The following ZNF415 variants were observed in gnomAD, a reference collection of about 807,000 sequenced individuals.
ZNF415 encodes zinc finger protein 415.
A neutral mutation model predicts 7.3 loss-of-function variants in ZNF415; 5 were observed. The ratio of observed to expected loss-of-function variants is 0.69; its 90% CI spans 0.36 to 1.44. The LOEUF (loss-of-function observed/expected upper bound fraction) is 1.44, where lower values mean the gene tolerates loss of function less well. Among genes scored for constraint, ZNF415 ranks in the 40% most tolerant of loss-of-function variants. The probability of loss-of-function intolerance (pLI) is 0.04; values close to 1 mark genes in which losing one functional copy is unlikely to be tolerated. For missense variants in ZNF415, 628 were observed against 664.8 expected (o/e 0.94, Z 0.61); for synonymous variants, 207 against 226.3 (o/e 0.91, Z 0.77).
At chr19:53,113,024 T>C (rs2086457740) in intron 3 of ZNF415, among the ~76,000 whole-genome samples, 2 of 151,114 alleles carry the variant, frequency 1.3e-5, no homozygotes, top group African/African-American at 4.9e-5. Context: ...AGGTGGAGGT[T>C]GCGGTGAGCT....
rs1011091546 is a variant in ZNF415 at position 53,113,377 on chromosome 19, C to G, written c.136+2936G>C. 3.6e-5 allele frequency among the ~76,000 whole-genome samples: 3 copies of G among 82,994 alleles called. 1 individual carries two copies. The highest frequency in any genetic ancestry group is 4.8e-5 in the Non-Finnish European group (2 of 41,704). 54.4% of individuals were successfully genotyped at this position (82,994 alleles called of 152,430 possible). On this transcript the variant is annotated intron_variant, in intron 3 of 3. Transcript: ENST00000243643. ...CAAAAATTAGCCGGGCATGGTGGCG[C>G]ACGCCTGTAGTCCCAGCTACACGGG... is the stretch of plus-strand genomic sequence containing the variant.
chr19:53,109,511 G>A lies in ZNF415; in HGVS notation c.534C>T (p.Pro178=), dbSNP rs1194015874. 2 of 1,613,970 alleles carry A rather than the reference G, an allele frequency of 1.2e-6. No homozygotes were observed. Among genetic ancestry groups the A allele is most frequent in the Non-Finnish European group, 1.7e-6 (2 of 1,179,942 alleles). The part of the protein sequence containing the change: ...SVNHGSSVSP[P]QIISSTIKTH... ...TTTTGATGGTAGAAGAAATTATTTG[G>A]GGTGGTGAAACTGAGGAACCATGGT... The change falls in exon 4 of 4, where the codon CCC becomes CCT. Residue 178 remains proline (P), a synonymous_variant. Coordinates refer to ENST00000243643, the MANE Select transcript of ZNF415 (RefSeq NM_018355.4).
intron 3 of ZNF415, among the ~76,000 whole-genome samples, chr19:53,110,275 G>A (rs903596366): frequency 1.3e-5 from 2 of 151,952 alleles, no homozygotes; most frequent in African/African-American, 4.8e-5. Flanking sequence ...ATTTTACCTA[G>A]CCACAGCATA....
At chr19:53,126,778 C>T (rs1051877416) in intron 1 of ZNF415, among the ~76,000 whole-genome samples, 1 of 112,610 alleles carries the variant, frequency 8.9e-6, no homozygotes, top group Admixed American at 1.0e-4. Context: ...AATTCCTGAG[C>T]GGAGGGGCAC....
At chr19:53,117,787 A>G (rs572113468) in intron 2 of ZNF415, among the ~76,000 whole-genome samples, 69 of 152,262 alleles carry the variant, frequency 4.5e-4, no homozygotes, top group African/African-American at 1.7e-3. Flanking sequence ...AAAACACACA[A>G]TACTATAAAA....
At chr19:53,110,744 T>C (rs1267541408) in intron 3 of ZNF415, among the ~76,000 whole-genome samples, 1 of 152,196 alleles carries the variant, frequency 6.6e-6, no homozygotes, top group African/African-American at 2.4e-5. Context: ...AACTGGAATA[T>C]ATGTTAAGAT....
At chr19:53,115,913 T>A in intron 3 of ZNF415, 1 of 895,386 alleles carries the variant, frequency 1.1e-6, no homozygotes, top group South Asian at 1.5e-5. Flanking sequence ...AGAGAGGCTA[T>A]CACAGATGGA....
chr19:53,113,335 C>T lies in ZNF415; in HGVS notation c.136+2978G>A, dbSNP rs1312815484. 4.8e-5 allele frequency among the ~76,000 whole-genome samples: 4 copies of T among 82,958 alleles called. 2 individuals carry two copies. Among genetic ancestry groups the T allele is most frequent in the East Asian group, 1.0e-3 (2 of 1,984 alleles). 54.4% of individuals were successfully genotyped at this position (82,958 alleles called of 152,430 possible). On this transcript the variant is annotated intron_variant, in intron 3 of 3. Coordinates refer to ENST00000243643, the MANE Select transcript of ZNF415 (RefSeq NM_018355.4). ...CATCCTGGCTAACACGGTGAAACCC[C>T]GTCTCTACTAAAAATACAAAAATTA...
At chr19:53,132,548 G>C (rs1054284380) in intron 1 of ZNF415, among the ~76,000 whole-genome samples, 1 of 152,190 alleles carries the variant, frequency 6.6e-6, no homozygotes. Context: ...AGGGGCCGAC[G>C]AGGGCAAGGC....
At chr19:53,129,952 C>A (rs1184735071) in intron 1 of ZNF415, among the ~76,000 whole-genome samples, 1 of 151,862 alleles carries the variant, frequency 6.6e-6, no homozygotes, top group Non-Finnish European at 1.5e-5. Flanking sequence ...GTAATCCCAG[C>A]TACTCAGGAG....
At chr19:53,116,496 CA>C in intron 2 of ZNF415, 63 bp from the exon 3 acceptor site, 1 of 1,597,412 alleles carries the variant, frequency 6.3e-7, no homozygotes. Flanking sequence ...CATCTTCACA[CA>C]AAATAAGAAT....
chr19:53,120,368 T>C (rs16984486), intron 2 of ZNF415, among the ~76,000 whole-genome samples: 24,367 of 152,078 alleles, frequency 0.16, 2,229 homozygotes, highest in African/African-American at 0.22. Flanking sequence ...ACTTGCAGGA[T>C]AGAATACCCT....
chr19:53,108,467 A>G lies in ZNF415; in HGVS notation c.1578T>C (p.Cys526=), dbSNP rs142788089. The G allele has an allele frequency of 4.5e-5, 72 of 1,614,132 alleles. 1 individual carries two copies. Among genetic ancestry groups the G allele is most frequent in the Non-Finnish European group, 5.9e-5 (70 of 1,180,016 alleles). The stretch of plus-strand genomic sequence containing the variant: ...CACTAAAGGACTTCCCACAATCACT[A>G]CATTTGTAAGGTTTCTTTCCAGTAT... The part of the protein sequence containing the change: ...IIHTGKKPYK[C]SDCGKSFSVR... The change falls in exon 4 of 4, where the codon TGT becomes TGC. Residue 526 remains cysteine, a synonymous_variant. Coordinates refer to ENST00000243643, the MANE Select transcript of ZNF415 (RefSeq NM_018355.4).
chr19:53,121,077 C>CAA (rs58307730), intron 2 of ZNF415, among the ~76,000 whole-genome samples: 103 of 40,240 alleles, frequency 2.6e-3, no homozygotes, highest in African/African-American at 3.1e-3. Context: ...GAGGAAGACT[C>CAA]AAAAAAAAAA....
In ZNF415 at chr19:53,122,277, C is replaced by G. The variant is rs1470358988; in HGVS notation, c.15+385G>C. On this transcript the variant is annotated intron_variant, in intron 2 of 3. Transcript: ENST00000243643. ...CAAACAAACAAACAAAAAACAAAAA[C>G]AACAAAAAACATGACTTCCATGGGC... 4.0e-6 allele frequency: 4 copies of G among 1,010,810 alleles called. No homozygotes were observed. The South Asian group carries it at 4.7e-5, about 12-fold the overall frequency. The allele number at this position is 1,010,810 out of a possible 1,614,324, so 62.6% of individuals were successfully genotyped here.
chr19:53,124,408 G>C (rs1431411038), intron 1 of ZNF415: 1 of 152,130 alleles, frequency 6.6e-6, no homozygotes, highest in East Asian at 1.9e-4. Flanking sequence ...GAGAGAGAGA[G>C]AGAGAGGTCA....
intron 1 of ZNF415, among the ~76,000 whole-genome samples, chr19:53,126,745 A>T (rs978525687): frequency 8.4e-6 from 1 of 119,710 alleles, no homozygotes; most frequent in African/African-American, 2.8e-5. Context: ...TGACCCCATT[A>T]GCTCACCCCA....
At chr19:53,113,876 C>CTTT (rs1429232281) in intron 3 of ZNF415, among the ~76,000 whole-genome samples, 3 of 152,222 alleles carry the variant, frequency 2.0e-5, no homozygotes, top group Admixed American at 2.0e-4. Flanking sequence ...TCCAGGTACA[C>CTTT]TTTTGTGAGG....
intron 1 of ZNF415, among the ~76,000 whole-genome samples, chr19:53,125,180 A>C (rs898224727): frequency 6.6e-6 from 1 of 151,826 alleles, no homozygotes; most frequent in East Asian, 1.9e-4. Flanking sequence ...AGTAGCTGGG[A>C]TTACAGGCAC....
Sources: allele counts gnomAD v4.1 joint callset (sites outside exome capture counted in the v4.1 genomes callset), GRCh38; gene constraint gnomAD v4.1.1; transcripts MANE v1.5; gene names NCBI Gene and HGNC (gene_info 2026-07-23, HGNC 2026-07-21).